The following PRKN variants were observed in gnomAD, a reference collection of about 807,000 sequenced individuals.
PRKN encodes the protein E3 ubiquitin-protein ligase parkin.
PRKN carries 56 observed loss-of-function variants against 59.5 expected under a neutral mutation model. The ratio of observed to expected loss-of-function variants is 0.94; its 90% CI spans 0.76 to 1.18. PRKN has a LOEUF of 1.18. Ranked by LOEUF, PRKN falls within the 50% of genes most tolerant of loss-of-function variation. The pLI, the probability that PRKN is intolerant of heterozygous loss-of-function variation, is 0.00. For missense variants in PRKN, 657 were observed against 596.4 expected (o/e 1.10, Z -1.06); for synonymous variants, 250 against 222.1 (o/e 1.13, Z -1.12).
In PRKN at chr6:161,355,123, T is replaced by C. The variant is rs2114843529; in HGVS notation, c.1286-4912A>G. Among the ~76,000 whole-genome samples the C allele has an allele frequency of 6.6e-6, 1 of 152,340 alleles. No individual in the cohort carries two copies. Among genetic ancestry groups the C allele is most frequent in the East Asian group, 1.9e-4 (1 of 5,168 alleles). On this transcript the variant is annotated intron_variant, in intron 11 of 11. Transcript: ENST00000366898. This position sits in a 1 kb window ranked among gnomAD's most constrained non-coding sequence, Gnocchi z 6.8. ...AGCTGAGGCTCCTGCGTGCGGTGCC[T>C]GGAACACGAGCAGCAGGGGCTGCCT...
chr6:162,366,192 T>C (rs570025958), intron 2 of PRKN, among the ~76,000 whole-genome samples: 1 of 152,378 alleles, frequency 6.6e-6, no homozygotes, highest in Admixed American at 6.5e-5. Flanking sequence ...AATCACCTTG[T>C]TCTAAAGAAT....
intron 7 of PRKN, among the ~76,000 whole-genome samples, chr6:161,602,184 CCAAT>C (rs1309534221): frequency 2.6e-5 from 4 of 151,946 alleles, no homozygotes; most frequent in Non-Finnish European, 4.4e-5. Flanking sequence ...TCTATTTTAT[CCAAT>C]CAATCAATCT....
intron 6 of PRKN, among the ~76,000 whole-genome samples, chr6:161,923,285 C>A (rs1778848856): frequency 6.6e-6 from 1 of 152,180 alleles, no homozygotes; most frequent in Non-Finnish European, 1.5e-5. Context: ...GAGTTTGAGA[C>A]CAGCCTGGCC....
At chr6:162,679,112 G>A (rs113195129) in intron 1 of PRKN, among the ~76,000 whole-genome samples, 1 of 40,288 alleles carries the variant, frequency 2.5e-5, no homozygotes, top group Admixed American at 2.9e-4. Flanking sequence ...ATTTATTTAT[G>A]AATGAATGAG....
intron 1 of PRKN, among the ~76,000 whole-genome samples, chr6:162,587,567 T>A (rs1339522052): frequency 6.6e-6 from 1 of 152,126 alleles, no homozygotes; most frequent in East Asian, 1.9e-4. Flanking sequence ...CCTTCCCCCT[T>A]ACAGAACAAT....
At chr6:162,570,178 C>T (rs1325893133) in intron 1 of PRKN, among the ~76,000 whole-genome samples, 1 of 152,112 alleles carries the variant, frequency 6.6e-6, no homozygotes, top group Non-Finnish European at 1.5e-5. Context: ...AGAAGACATA[C>T]AAATGGCAAA....
intron 7 of PRKN, among the ~76,000 whole-genome samples, chr6:161,774,746 G>T (rs1291501866): frequency 6.6e-6 from 1 of 152,210 alleles, no homozygotes; most frequent in Non-Finnish European, 1.5e-5. Flanking sequence ...CAGCCACTGC[G>T]ATTCCAGTGT....
chr6:162,251,327 C>G (rs1278330035), intron 3 of PRKN, among the ~76,000 whole-genome samples: 2 of 152,108 alleles, frequency 1.3e-5, no homozygotes, highest in Non-Finnish European at 2.9e-5. Context: ...GGCTGCTCAT[C>G]AGAATCACCT....
At chr6:162,155,217 C>G (rs1364461355) in intron 4 of PRKN, among the ~76,000 whole-genome samples, 1 of 151,580 alleles carries the variant, frequency 6.6e-6, no homozygotes, top group Non-Finnish European at 1.5e-5. Context: ...GCTTACCATT[C>G]TCTTAATACT....
intron 1 of PRKN, among the ~76,000 whole-genome samples, chr6:162,507,980 T>C (rs1036923894): frequency 6.6e-6 from 1 of 152,196 alleles, no homozygotes; most frequent in Non-Finnish European, 1.5e-5. Context: ...TAAGAAAGTA[T>C]GAGACTTGCT....
At chr6:162,526,902 T>G (rs1428428267) in intron 1 of PRKN, among the ~76,000 whole-genome samples, 2 of 152,094 alleles carry the variant, frequency 1.3e-5, no homozygotes, top group Non-Finnish European at 2.9e-5. Flanking sequence ...TAAGACACAT[T>G]GAAAGATGGG....
At chr6:162,279,758 T>C (rs542901132) in intron 2 of PRKN, among the ~76,000 whole-genome samples, 2 of 152,320 alleles carry the variant, frequency 1.3e-5, no homozygotes, top group South Asian at 4.1e-4. Context: ...GTCTGTTTAA[T>C]ACTGACAGTG....
At position 161,552,468 on chromosome 6, in the gene PRKN, CTG is replaced by C. The variant is rs144817065; in HGVS notation, c.934-3467_934-3466del. 0.44 allele frequency among the ~76,000 whole-genome samples: 50,293 copies of C among 115,354 alleles called. 14,412 individuals carry two copies. The highest frequency in any genetic ancestry group is 0.67 in the East Asian group (2,444 of 3,666). The allele number at this position is 115,354 out of a possible 152,430, so 75.7% of individuals were successfully genotyped here. ...CAGCTCTGTTCACCTCCGCCTATGACTGTGAATGATCTCACGGTGATCCTCCA... is the reference window on the plus strand; with the variant it reads ...CAGCTCTGTTCACCTCCGCCTATGACTGAATGATCTCACGGTGATCCTCCA... On this transcript the variant is annotated intron_variant, in intron 8 of 11. Coordinates refer to ENST00000366898, the MANE Select transcript of PRKN (RefSeq NM_004562.3). This position sits in a 1 kb window ranked among gnomAD's most constrained non-coding sequence, Gnocchi z 4.9.
chr6:161,987,942 G>T (rs970689764), intron 5 of PRKN, among the ~76,000 whole-genome samples: 1 of 152,162 alleles, frequency 6.6e-6, no homozygotes, highest in African/African-American at 2.4e-5. Flanking sequence ...TAAAAACAAA[G>T]AAACATCCCA....
intron 7 of PRKN, chr6:161,716,088 G>A: frequency 7.4e-7 from 1 of 1,345,950 alleles, no homozygotes; most frequent in Non-Finnish European, 9.8e-7. Flanking sequence ...CTCCTCTCCT[G>A]AATCCCCCCA....
intron 7 of PRKN, chr6:161,716,065 C>A (rs747032427): frequency 1.5e-6 from 2 of 1,302,932 alleles, no homozygotes; most frequent in Non-Finnish European, 2.0e-6. Flanking sequence ...CTGTGCTGGG[C>A]CCATCTTACC....
chr6:162,060,062 G>A (rs1021218156), intron 4 of PRKN, among the ~76,000 whole-genome samples: 7 of 152,178 alleles, frequency 4.6e-5, no homozygotes, highest in African/African-American at 7.2e-5. Context: ...AGCCTATCAC[G>A]TTTACTGTCG....
chr6:162,526,243 A>G (rs1340822816), intron 1 of PRKN, among the ~76,000 whole-genome samples: 1 of 148,632 alleles, frequency 6.7e-6, no homozygotes, highest in African/African-American at 2.5e-5. Context: ...TATAAGAACT[A>G]TAATGCAGAA....
intron 4 of PRKN, among the ~76,000 whole-genome samples, chr6:162,094,848 G>C (rs1263492514): frequency 6.6e-6 from 1 of 152,154 alleles, no homozygotes; most frequent in Non-Finnish European, 1.5e-5. Context: ...AATGTATTTA[G>C]ACATTTCCTA....
Sources: gnomAD v4.1 joint callset for allele counts (sites outside exome capture counted in the v4.1 genomes callset) on GRCh38, gnomAD v4.1.1 for gene constraint, Gnocchi (gnomAD v3.1) non-coding constraint, MANE v1.5 for transcripts, NCBI Gene and HGNC (gene_info 2026-07-23, HGNC 2026-07-21) for gene names.